Variants in ADCK2 observed in about 807,000 individuals in gnomAD.
The protein encoded by ADCK2 is uncharacterized aarF domain-containing protein kinase 2.
In ADCK2, 37 loss-of-function variants were observed where a neutral mutation model predicts 52.3. That is an observed-to-expected ratio of 0.71 (90% CI 0.54 to 0.93). The LOEUF is 0.93. Ranked by LOEUF, ADCK2 falls within the 40% of genes least tolerant of loss-of-function variation. The pLI is 0.00. For synonymous variants in ADCK2, 321 were observed against 349.2 expected (o/e 0.92, Z 0.90); for missense variants, 695 against 798.7 (o/e 0.87, Z 1.56).
chr7:140,686,350 G>A (rs1464179275), intron 4 of ADCK2, among the ~76,000 whole-genome samples: 3 of 151,938 alleles, frequency 2.0e-5, no homozygotes, highest in Middle Eastern at 3.2e-3. Flanking sequence ...GCACGATCTC[G>A]GCTCACTCCA....
At chr7:140,683,517 G>A (rs928882612) in intron 4 of ADCK2, among the ~76,000 whole-genome samples, 3 of 152,176 alleles carry the variant, frequency 2.0e-5, no homozygotes, top group Non-Finnish European at 4.4e-5. Context: ...TCTGAGACCC[G>A]GGTATTCTTC....
intron 4 of ADCK2, among the ~76,000 whole-genome samples, chr7:140,686,262 T>TTTTA (rs1030383280): frequency 2.0e-5 from 3 of 152,120 alleles, no homozygotes; most frequent in African/African-American, 4.8e-5. Context: ...AGACTTTTTA[T>TTTTA]TTTATTTATT....
rs184659069 is a variant in ADCK2 at position 140,681,026 on chromosome 7, C to T, written c.1210-16C>T. On this transcript the variant is annotated splice_polypyrimidine_tract_variant and intron_variant, in intron 3 of 7. Coordinates refer to ENST00000072869, the MANE Select transcript of ADCK2 (RefSeq NM_052853.4). The stretch of plus-strand genomic sequence containing the variant: ...CTGGCTGGGATTAAGCTGTTCTCTC[C>T]CTGGTCTTTCTGAAGGAGAGTGTGC... 1.2e-6 allele frequency: 2 copies of T among 1,613,636 alleles called. No individual in the cohort carries two copies. Among genetic ancestry groups the T allele is most frequent in the East Asian group, 4.5e-5 (2 of 44,872 alleles).
At chr7:140,689,563 C>T (rs200978586) in intron 5 of ADCK2, 34 bp from the exon 6 acceptor site, 1 of 1,563,942 alleles carries the variant, frequency 6.4e-7, no homozygotes, top group East Asian at 2.3e-5. Flanking sequence ...TATGCTAGCT[C>T]CACTCCAAGT....
At chr7:140,681,265 T>C in intron 4 of ADCK2, 128 bp downstream of exon 4, 1 of 809,598 alleles carries the variant, frequency 1.2e-6, no homozygotes, top group Non-Finnish European at 2.0e-6. Flanking sequence ...TGAGAAAGTC[T>C]GGTCTAGAAA....
rs375184481 is a variant in ADCK2, at chr7:140,689,671, C to T, written c.1632C>T (p.Thr544=). 2.1e-5 allele frequency: 34 copies of T among 1,613,582 alleles called. No homozygotes were observed. Among genetic ancestry groups the T allele is most frequent in the African/African-American group, 1.1e-4 (8 of 74,868 alleles). Residue 544 remains threonine (T), a synonymous_variant, in exon 6 of 8, where the codon ACC becomes ACT. Transcript: ENST00000072869. ...GCAGGGACGTGGAGGGGTTCAAAAC[C>T]GAGATGGCCATGCTGGTGACCCAGG... The part of the protein sequence containing the change: ...SECRDVEGFK[T]EMAMLVTQAR...
intron 5 of ADCK2, among the ~76,000 whole-genome samples, chr7:140,689,083 T>C (rs1794658745): frequency 1.3e-5 from 2 of 151,970 alleles, no homozygotes; most frequent in Non-Finnish European, 2.9e-5. Flanking sequence ...TTCTCCTGCC[T>C]CAGCCTCCCA....
At chr7:140,688,330 C>T (rs1794644082) in intron 5 of ADCK2, among the ~76,000 whole-genome samples, 1 of 152,132 alleles carries the variant, frequency 6.6e-6, no homozygotes, top group African/African-American at 2.4e-5. Context: ...AGGTGTGAGC[C>T]ACTGCACCCA....
Position 140,674,545 on chromosome 7 carries a change from C to T in ADCK2, c.934-66C>T. The T allele has an allele frequency of 6.4e-7, 1 of 1,552,222 alleles. No individual in the cohort carries two copies. The highest frequency in any genetic ancestry group is 8.7e-7 in the Non-Finnish European group (1 of 1,147,706). ...CTGGCTCTTGCTTGGATGGTGGGAC[C>T]CAGCCCTGGCTGGGTAAAATGTGTC... is the stretch of plus-strand genomic sequence containing the variant. On this transcript the variant is annotated intron_variant, in intron 1 of 7. Transcript: ENST00000072869. This position sits in a 1 kb window ranked among gnomAD's most constrained non-coding sequence, Gnocchi z 4.6.
chr7:140,686,078 T>A (rs2130787901), intron 4 of ADCK2, among the ~76,000 whole-genome samples: 1 of 152,278 alleles, frequency 6.6e-6, no homozygotes, highest in East Asian at 1.9e-4. Context: ...CAGGTTGAAG[T>A]AACGGAGGGA....
intron 7 of ADCK2, among the ~76,000 whole-genome samples, chr7:140,691,357 A>G (rs1238038476): frequency 6.6e-6 from 1 of 152,242 alleles, no homozygotes; most frequent in Non-Finnish European, 1.5e-5. Flanking sequence ...GTATTTAAAA[A>G]TGTAGAAACA....
At chr7:140,680,131 T>C (rs1794490847) in intron 3 of ADCK2, among the ~76,000 whole-genome samples, 1 of 151,812 alleles carries the variant, frequency 6.6e-6, no homozygotes, top group Admixed American at 6.6e-5. Context: ...AAGATCTATC[T>C]CCATGGGTTG....
intron 3 of ADCK2, among the ~76,000 whole-genome samples, chr7:140,679,783 G>A (rs187592578): frequency 3.5e-5 from 5 of 144,786 alleles, no homozygotes; most frequent in African/African-American, 7.7e-5. Flanking sequence ...AGTGATTCTC[G>A]TGCCTCAGCC....
chr7:140,693,457 C>A lies in ADCK2; in HGVS notation c.1741-1206C>A, dbSNP rs1794741010. Among the ~76,000 whole-genome samples the A allele has an allele frequency of 6.6e-6, 1 of 152,228 alleles. No individual in the cohort carries two copies. The highest frequency in any genetic ancestry group is 1.5e-5 in the Non-Finnish European group (1 of 68,040). The stretch of plus-strand genomic sequence containing the variant: ...TTTCCCATGATTCAACCTTCCATTT[C>A]TTGACCTTCTGTCCACTTAAAAAGC... On this transcript the variant is annotated intron_variant, in intron 7 of 7. Coordinates refer to ENST00000072869, the MANE Select transcript of ADCK2 (RefSeq NM_052853.4). This position sits in a 1 kb window ranked among gnomAD's most constrained non-coding sequence, Gnocchi z 4.0.
Position 140,673,520 on chromosome 7 carries a change from G to A in ADCK2, c.190G>A (p.Val64Ile), listed in dbSNP as rs1185769386. Residue 64 changes from valine to isoleucine, a missense_variant, in exon 1 of 8, where the codon GTT (valine) becomes ATT (isoleucine). Val to Ile is a conservative substitution (Grantham distance 29, BLOSUM62 3). Transcript: ENST00000072869. The surrounding 1 kb of genome is among the most constrained non-coding windows in gnomAD (Gnocchi z 6.4). ...GGACGTGGGTGAGGGGGCCCCTGAC[G>A]TTCTGAGTCGGCGAAGGGTCCGCTG... ...CGDVGEGAPDVLSRRRVRCSG... is the reference protein window; with the variant it reads ...CGDVGEGAPDILSRRRVRCSG... 1.2e-6 allele frequency: 2 copies of A among 1,600,846 alleles called. No individual in the cohort carries two copies. The highest frequency in any genetic ancestry group is 2.2e-5 in the East Asian group (1 of 44,726).
rs375145073 is a variant in ADCK2 at position 140,674,251 on chromosome 7, C to T, written c.921C>T (p.Ser307=). The change falls in exon 1 of 8, where the codon TCC becomes TCT. Residue 307 remains serine, a synonymous_variant. Coordinates refer to ENST00000072869, the MANE Select transcript of ADCK2 (RefSeq NM_052853.4). This position sits in a 1 kb window ranked among gnomAD's most constrained non-coding sequence, Gnocchi z 4.6. ...GHQPEATNLI[S]VAVKVLHPGL... ...AACCTGAGGCCACCAACCTCATCTC[C>T]GTGGCAGTGAAAGTAAGTGTTGTGA... 6.2e-7 allele frequency: 1 copy of T among 1,611,022 alleles called. No homozygotes were observed. Among genetic ancestry groups the T allele is most frequent in the East Asian group, 2.2e-5 (1 of 44,826 alleles).
intron 2 of ADCK2, among the ~76,000 whole-genome samples, chr7:140,676,155 C>T (rs1794412018): frequency 2.6e-5 from 4 of 152,176 alleles, no homozygotes; most frequent in Admixed American, 1.3e-4. Context: ...TCGGCAGATT[C>T]GATGTCTGGT....
At chr7:140,690,118 A>C (rs988313421) in intron 6 of ADCK2, among the ~76,000 whole-genome samples, 2 of 152,200 alleles carry the variant, frequency 1.3e-5, no homozygotes, top group Non-Finnish European at 2.9e-5. Context: ...TTTATCCCCA[A>C]GTTCATGGCC....
intron 3 of ADCK2, 99 bp from the exon 4 acceptor site, chr7:140,680,943 C>T (rs1414976172): frequency 9.4e-6 from 10 of 1,059,326 alleles, no homozygotes; most frequent in Non-Finnish European, 1.5e-5. Context: ...GGTTACTTCC[C>T]AATAAGTGAG....
Sources: allele counts gnomAD v4.1 joint callset (sites outside exome capture counted in the v4.1 genomes callset), GRCh38; gene constraint gnomAD v4.1.1; non-coding constraint Gnocchi (gnomAD v3.1); transcripts MANE v1.5; gene names NCBI Gene and HGNC (gene_info 2026-07-23, HGNC 2026-07-21).